RAD51B: variants seen among roughly 807,000 people sequenced by gnomAD.
The protein encoded by RAD51B is DNA repair protein RAD51 homolog 2.
In RAD51B, 38 loss-of-function variants were observed where a neutral mutation model predicts 42.2. The ratio of observed to expected loss-of-function variants is 0.90; its 90% CI spans 0.70 to 1.18. The LOEUF is 1.18. Ranked by LOEUF, RAD51B falls within the 50% of genes most tolerant of loss-of-function variation. The pLI is 0.00. For synonymous variants in RAD51B, 154 were observed against 145.2 expected (o/e 1.06, Z -0.43); for missense variants, 373 against 400.7 (o/e 0.93, Z 0.59).
At chr14:67,965,985 G>T (rs2074769710) in intron 7 of RAD51B, among the ~76,000 whole-genome samples, 1 of 152,180 alleles carries the variant, frequency 6.6e-6, no homozygotes, top group Non-Finnish European at 1.5e-5. Flanking sequence ...CATTATAGCA[G>T]TGATTAAATT....
chr14:68,443,470 A>G lies in RAD51B; in HGVS notation c.958-24702A>G, dbSNP rs1030793129. 3.3e-5 allele frequency among the ~76,000 whole-genome samples: 5 copies of G among 152,298 alleles called. No homozygotes were observed. In the South Asian group the frequency reaches 1.0e-3, roughly 32 times the overall value. On this transcript the variant is annotated intron_variant, in intron 9 of 10. Transcript: ENST00000471583. ...TGCTATACATATCAACGTAGCTTTT[A>G]AGTTTTCATCACTCACATGATGACC...
rs72725144 is a variant in RAD51B, at chr14:67,961,845, G to T, written c.756+74641G>T. 3.3e-3 allele frequency among the ~76,000 whole-genome samples: 498 copies of T among 152,164 alleles called. 1 individual carries two copies. The highest frequency in any genetic ancestry group is 5.3e-3 in the Non-Finnish European group (359 of 67,994). On this transcript the variant is annotated intron_variant, in intron 7 of 10. Coordinates refer to ENST00000471583, the MANE Select transcript of RAD51B (RefSeq NM_133510.4). ...ACTATGAAAACATTTAGGAAATTCA[G>T]ATAGGCAAAAAGGAAAAGAGATCGC...
intron 7 of RAD51B, among the ~76,000 whole-genome samples, chr14:68,159,213 G>T (rs907902806): frequency 6.6e-6 from 1 of 151,690 alleles, no homozygotes; most frequent in African/African-American, 2.4e-5. Flanking sequence ...CTGTTTAGGG[G>T]GGTTATCATG....
At chr14:67,912,347 T>C (rs2044011032) in intron 7 of RAD51B, among the ~76,000 whole-genome samples, 1 of 152,218 alleles carries the variant, frequency 6.6e-6, no homozygotes, top group Admixed American at 6.5e-5. Flanking sequence ...TGTTGTCCTT[T>C]GAGTTTTTAT....
chr14:68,230,813 C>A (rs557103998), intron 7 of RAD51B, among the ~76,000 whole-genome samples: 2 of 152,188 alleles, frequency 1.3e-5, no homozygotes, highest in Non-Finnish European at 2.9e-5. Flanking sequence ...AAATCAGTAA[C>A]TAGCAAGAGG....
At chr14:68,211,206 G>A (rs773970715) in intron 7 of RAD51B, among the ~76,000 whole-genome samples, 1 of 152,110 alleles carries the variant, frequency 6.6e-6, no homozygotes, top group Non-Finnish European at 1.5e-5. Flanking sequence ...AACATTCTTT[G>A]TGACCCTTTC....
At chr14:68,665,673 A>G (rs1424409403) in intron 11 of RAD51B, among the ~76,000 whole-genome samples, 2 of 152,222 alleles carry the variant, frequency 1.3e-5, no homozygotes, top group African/African-American at 4.8e-5. Context: ...AGAATGATGA[A>G]AACTTCACAT....
intron 7 of RAD51B, among the ~76,000 whole-genome samples, chr14:68,078,750 G>A (rs2076870939): frequency 1.3e-5 from 2 of 152,182 alleles, no homozygotes; most frequent in Non-Finnish European, 2.9e-5. Context: ...AGCACTTTGG[G>A]AGGCCAAAGT....
rs74059310 is a variant in RAD51B at position 68,408,551 on chromosome 14, C to T, written c.854-2873C>T. 2.3e-3 allele frequency among the ~76,000 whole-genome samples: 348 copies of T among 152,280 alleles called. 3 individuals carry two copies. The highest frequency in any genetic ancestry group is 0.014 in the Middle Eastern group (4 of 294). On this transcript the variant is annotated intron_variant, in intron 8 of 10. Transcript: ENST00000471583. Reference sequence around the variant, plus strand: ...GGAGCCATGCCATGTAGAGCAGACACTGCAAGCTTGATGGGAATGAGGCAT... The same window carrying T: ...GGAGCCATGCCATGTAGAGCAGACATTGCAAGCTTGATGGGAATGAGGCAT...
rs772691226 is a variant in RAD51B, at chr14:67,858,665, G to A, written c.316-6338G>A. Among the ~76,000 whole-genome samples, 14 of 152,214 alleles carry A rather than the reference G, an allele frequency of 9.2e-5. 1 individual carries two copies. The highest frequency in any genetic ancestry group is 2.1e-4 in the Non-Finnish European group (14 of 68,030). On this transcript the variant is annotated intron_variant, in intron 4 of 10. Transcript: ENST00000471583. ...AGTCCAGAGGAAAGCGTGCCAAACA[G>A]GAAGACAAGTTCTCACTCTGGTCCA...
At chr14:68,292,658 C>G (rs959518399) in intron 8 of RAD51B, among the ~76,000 whole-genome samples, 2 of 152,192 alleles carry the variant, frequency 1.3e-5, no homozygotes, top group African/African-American at 4.8e-5. Context: ...ACATGCATAG[C>G]TCTTCCAGGC....
chr14:68,050,308 A>G (rs1321156987), intron 7 of RAD51B, among the ~76,000 whole-genome samples: 1 of 149,594 alleles, frequency 6.7e-6, no homozygotes, highest in Non-Finnish European at 1.5e-5. Context: ...CCTCTTCCCC[A>G]TCACCCCCTT....
intron 8 of RAD51B, among the ~76,000 whole-genome samples, chr14:68,361,079 G>A (rs1346588472): frequency 6.6e-6 from 1 of 152,214 alleles, no homozygotes; most frequent in Non-Finnish European, 1.5e-5. Flanking sequence ...GACCTGTCTT[G>A]AGGAAGAGGA....
In RAD51B at chr14:68,043,083, T is replaced by C. The variant is rs905455257; in HGVS notation, c.756+155879T>C. On this transcript the variant is annotated intron_variant, in intron 7 of 10. Transcript: ENST00000471583. ...AAAAACTCTCTCAACAGATGAACTA[T>C]GTGTGAAACTTTCTAACAGAGCTTA... Among the ~76,000 whole-genome samples, 6 of 152,284 alleles carry C rather than the reference T, an allele frequency of 3.9e-5. No homozygotes were observed. In the East Asian group the frequency reaches 1.2e-3, roughly 29 times the overall value.
intron 9 of RAD51B, among the ~76,000 whole-genome samples, chr14:68,426,145 C>G (rs2084844030): frequency 6.6e-6 from 1 of 151,466 alleles, no homozygotes; most frequent in African/African-American, 2.4e-5. Context: ...CTCGGCTCAC[C>G]ACAACCTCCG....
chr14:68,051,031 G>A (rs566706663), intron 7 of RAD51B, among the ~76,000 whole-genome samples: 5 of 151,652 alleles, frequency 3.3e-5, no homozygotes, highest in Non-Finnish European at 2.9e-5. Flanking sequence ...GATTTTCTCT[G>A]TACCATTAAA....
At chr14:67,905,931 T>A (rs1042236614) in intron 7 of RAD51B, among the ~76,000 whole-genome samples, 1 of 152,122 alleles carries the variant, frequency 6.6e-6, no homozygotes, top group Non-Finnish European at 1.5e-5. Context: ...GGCTAGAACT[T>A]CCAGTATAGG....
chr14:67,989,826 G>A (rs1249145352), intron 7 of RAD51B, among the ~76,000 whole-genome samples: 1 of 151,860 alleles, frequency 6.6e-6, no homozygotes, highest in Non-Finnish European at 1.5e-5. Context: ...TGTCTGCTTT[G>A]CTTGCATTTA....
chr14:68,422,215 T>C (rs752488728), intron 9 of RAD51B: 11 of 1,008,732 alleles, frequency 1.1e-5, no homozygotes, highest in Non-Finnish European at 1.7e-5. Context: ...GTACACGGTT[T>C]TCCTCAGCGG....
Sources: allele counts gnomAD v4.1 joint callset (sites outside exome capture counted in the v4.1 genomes callset), GRCh38; gene constraint gnomAD v4.1.1; transcripts MANE v1.5; gene names NCBI Gene and HGNC (gene_info 2026-07-23, HGNC 2026-07-21).